The following NRXN3 variants were observed in gnomAD, a reference collection of about 807,000 sequenced individuals.
The protein encoded by NRXN3 is neurexin III.
NRXN3 carries 32 observed loss-of-function variants against 137.6 expected under a neutral mutation model. The ratio of observed to expected loss-of-function variants is 0.23; its 90% confidence interval spans 0.18 to 0.31. The LOEUF (loss-of-function observed/expected upper bound fraction) is 0.31, where lower values mean the gene tolerates loss of function less well. NRXN3 is among the 10% of genes least tolerant of loss of function. The pLI, the probability that NRXN3 is intolerant of heterozygous loss-of-function variation, is 1.00. For missense variants in NRXN3, 1,574 were observed against 2,062.5 expected (o/e 0.76, Z 4.59); for synonymous variants, 798 against 784.5 (o/e 1.02, Z -0.29).
intron 6 of NRXN3, among the ~76,000 whole-genome samples, chr14:78,686,682 A>C (rs902175297): frequency 6.6e-6 from 1 of 152,178 alleles, no homozygotes. Context: ...TATATGAGTA[A>C]AAATATATAT....
At chr14:78,510,694 C>A (rs1212408299) in intron 4 of NRXN3, among the ~76,000 whole-genome samples, 1 of 152,144 alleles carries the variant, frequency 6.6e-6, no homozygotes, top group Non-Finnish European at 1.5e-5. Flanking sequence ...TGATCCCTGG[C>A]CTTTAAGTGA....
chr14:79,520,108 T>C (rs771949893), intron 16 of NRXN3, among the ~76,000 whole-genome samples: 69 of 152,252 alleles, frequency 4.5e-4, no homozygotes, highest in Non-Finnish European at 8.1e-4. Context: ...GACACCTTCA[T>C]TGCGAATTTC....
At chr14:78,320,683 T>C (rs1366164202) in intron 4 of NRXN3, among the ~76,000 whole-genome samples, 1 of 151,884 alleles carries the variant, frequency 6.6e-6, no homozygotes, top group Non-Finnish European at 1.5e-5. Flanking sequence ...CAACTGGGAG[T>C]TGGGGGTACC....
chr14:79,544,222 A>G (rs1468617320), intron 16 of NRXN3, among the ~76,000 whole-genome samples: 2 of 152,254 alleles, frequency 1.3e-5, no homozygotes, highest in Non-Finnish European at 2.9e-5. Flanking sequence ...AGGGGGTCTG[A>G]GTCATTGAAC....
rs375048216 is a variant in NRXN3, at chr14:79,696,986, C to G, written c.3707-644C>G. 4.6e-5 allele frequency among the ~76,000 whole-genome samples: 7 copies of G among 151,980 alleles called. No individual in the cohort carries two copies. The East Asian group carries it at 1.4e-3, about 30-fold the overall frequency. ...AATTAATAGAGATAGGAATTTATCT[C>G]TCATGATTTTGTTAACCAGAAAATA... On this transcript the variant is annotated intron_variant, in intron 18 of 20. Transcript: ENST00000335750.
chr14:78,990,278 C>G (rs1260071496), intron 15 of NRXN3, among the ~76,000 whole-genome samples: 1 of 151,924 alleles, frequency 6.6e-6, no homozygotes, highest in Admixed American at 6.6e-5. Context: ...AGCTACTTGC[C>G]TAGTCCCCCA....
chr14:78,396,989 A>G (rs1335999690), intron 4 of NRXN3, among the ~76,000 whole-genome samples: 1 of 152,148 alleles, frequency 6.6e-6, no homozygotes, highest in African/African-American at 2.4e-5. Context: ...TACTAATCCT[A>G]TCAAATTAAG....
At chr14:78,646,722 G>C (rs8181983) in intron 5 of NRXN3, among the ~76,000 whole-genome samples, 2 of 152,204 alleles carry the variant, frequency 1.3e-5, no homozygotes, top group Non-Finnish European at 2.9e-5. Context: ...GAGTCCCCAA[G>C]CATCTTGACA....
chr14:79,793,569 A>T (rs890208817), intron 19 of NRXN3, among the ~76,000 whole-genome samples: 1 of 152,222 alleles, frequency 6.6e-6, no homozygotes, highest in Non-Finnish European at 1.5e-5. Context: ...ATCATTTTTC[A>T]GAACTGTTCT....
intron 4 of NRXN3, among the ~76,000 whole-genome samples, chr14:78,462,580 A>G (rs2094954553): frequency 6.6e-6 from 1 of 152,178 alleles, no homozygotes; most frequent in Non-Finnish European, 1.5e-5. Flanking sequence ...TCCCCTTATC[A>G]GACATCTTAA....
chr14:79,827,294 A>G (rs2099307460), intron 20 of NRXN3, among the ~76,000 whole-genome samples: 1 of 152,156 alleles, frequency 6.6e-6, no homozygotes, highest in African/African-American at 2.4e-5. Flanking sequence ...CTTCTCTGAA[A>G]AAAATGATAT....
chr14:78,586,526 A>G (rs2097064358), intron 4 of NRXN3, among the ~76,000 whole-genome samples: 1 of 152,344 alleles, frequency 6.6e-6, no homozygotes, highest in Non-Finnish European at 1.5e-5. Flanking sequence ...GTAAGTATTC[A>G]GTAAATGCTC....
chr14:79,725,839 G>A (rs565723923), intron 19 of NRXN3, among the ~76,000 whole-genome samples: 28 of 152,232 alleles, frequency 1.8e-4, no homozygotes, highest in African/African-American at 6.7e-4. Context: ...CAGAGCTTCT[G>A]GAAGGGGAAA....
intron 15 of NRXN3, among the ~76,000 whole-genome samples, chr14:79,435,357 A>G (rs1056320349): frequency 1.3e-5 from 2 of 151,824 alleles, no homozygotes; most frequent in South Asian, 4.2e-4. Context: ...AAGTAGAGAA[A>G]GTTTGCAACT....
intron 10 of NRXN3, among the ~76,000 whole-genome samples, chr14:78,902,419 C>T (rs2152746671): frequency 6.6e-6 from 1 of 152,056 alleles, no homozygotes; most frequent in Non-Finnish European, 1.5e-5. Context: ...TTATAAAGTG[C>T]ATTTTATGAA....
At chr14:79,078,888 C>T (rs777119749) in intron 15 of NRXN3, among the ~76,000 whole-genome samples, 17 of 152,010 alleles carry the variant, frequency 1.1e-4, no homozygotes, top group East Asian at 5.8e-4. Context: ...CCCCTTCCAG[C>T]CCTAACATGC....
At chr14:79,381,967 C>G (rs1338122697) in intron 15 of NRXN3, among the ~76,000 whole-genome samples, 1 of 152,172 alleles carries the variant, frequency 6.6e-6, no homozygotes, top group African/African-American at 2.4e-5. Flanking sequence ...TCCTTGTACT[C>G]TGAAGTAGCC....
At chr14:79,754,365 A>G (rs1398084759) in intron 19 of NRXN3, among the ~76,000 whole-genome samples, 1 of 151,148 alleles carries the variant, frequency 6.6e-6, no homozygotes, top group African/African-American at 2.4e-5. Flanking sequence ...TAAATAAAGT[A>G]CAGGGAGGAT....
At chr14:79,679,131 A>AT (rs1169304889) in intron 17 of NRXN3, among the ~76,000 whole-genome samples, 2 of 150,362 alleles carry the variant, frequency 1.3e-5, no homozygotes, top group African/African-American at 4.9e-5. Flanking sequence ...TAAATCATGG[A>AT]TTTTTTTCTT....
Sources: gnomAD v4.1 joint callset for allele counts (sites outside exome capture counted in the v4.1 genomes callset) on GRCh38, gnomAD v4.1.1 for gene constraint, MANE v1.5 for transcripts, NCBI Gene and HGNC (gene_info 2026-07-23, HGNC 2026-07-21) for gene names.